ENAH: variants seen among roughly 807,000 people sequenced by gnomAD.
ENAH encodes ENAH actin regulator.
ENAH carries 23 observed loss-of-function variants against 78.7 expected under a neutral mutation model. The observed-to-expected ratio is 0.29, with a 90% CI of 0.21 to 0.41. The LOEUF is 0.41. Among genes scored for constraint, ENAH ranks in the 10% least tolerant of loss-of-function variants. The pLI, the probability that ENAH is intolerant of heterozygous loss-of-function variation, is 1.00. For missense variants in ENAH, 544 were observed against 691.0 expected (o/e 0.79, Z 2.39); for synonymous variants, 226 against 241.0 (o/e 0.94, Z 0.58).
chr1:225,584,822 T>G (rs916766368), intron 1 of ENAH, among the ~76,000 whole-genome samples: 3 of 152,154 alleles, frequency 2.0e-5, no homozygotes, highest in Admixed American at 6.6e-5. Context: ...TCAGATAAAG[T>G]AGACTTTTAA....
At chr1:225,586,689 T>C (rs577361664) in intron 1 of ENAH, among the ~76,000 whole-genome samples, 4 of 152,202 alleles carry the variant, frequency 2.6e-5, no homozygotes, top group African/African-American at 4.8e-5. Flanking sequence ...ATCAAGGTAA[T>C]TCACCGTAAC....
At chr1:225,562,465 G>A (rs1309659736) in intron 2 of ENAH, among the ~76,000 whole-genome samples, 8 of 150,434 alleles carry the variant, frequency 5.3e-5, no homozygotes, top group South Asian at 2.1e-4. Context: ...CCAGCTGCTC[G>A]GGAGGCTGAG....
At chr1:225,636,037 C>T (rs1660002703) in intron 1 of ENAH, among the ~76,000 whole-genome samples, 1 of 152,164 alleles carries the variant, frequency 6.6e-6, no homozygotes, top group South Asian at 2.1e-4. Context: ...TCAGACTTAC[C>T]AGCTCCCATA....
chr1:225,594,392 G>A lies in ENAH; in HGVS notation c.6-26978C>T, dbSNP rs569206890. 2.6e-5 allele frequency among the ~76,000 whole-genome samples: 4 copies of A among 152,208 alleles called. No homozygotes were observed. The East Asian group carries it at 5.8e-4, about 22-fold the overall frequency. On this transcript the variant is annotated intron_variant, in intron 1 of 13. Coordinates refer to ENST00000366843, the MANE Select transcript of ENAH (RefSeq NM_018212.6). ...CATGCTATTCCTGATTGTCAAATAA[G>A]AAAATCCTTCCTTTCCTCCATCACC...
chr1:225,649,617 C>G (rs889522200), intron 1 of ENAH, among the ~76,000 whole-genome samples: 12 of 152,160 alleles, frequency 7.9e-5, no homozygotes, highest in African/African-American at 2.7e-4. Flanking sequence ...CTCAACCTTT[C>G]CACTGTCCTG....
chr1:225,620,181 T>C (rs192871008), intron 1 of ENAH, among the ~76,000 whole-genome samples: 1 of 152,026 alleles, frequency 6.6e-6, no homozygotes. Context: ...TGTGATCTAG[T>C]ATCTCTGAAT....
intron 3 of ENAH, among the ~76,000 whole-genome samples, chr1:225,549,922 C>T (rs1036991607): frequency 6.6e-6 from 1 of 152,148 alleles, no homozygotes; most frequent in African/African-American, 2.4e-5. Flanking sequence ...TGCTTGTAAA[C>T]TTGCATGCTC....
intron 1 of ENAH, among the ~76,000 whole-genome samples, chr1:225,638,662 T>A (rs1166821563): frequency 6.6e-6 from 1 of 152,204 alleles, no homozygotes; most frequent in African/African-American, 2.4e-5. Context: ...AGCTTGGTCT[T>A]AATTCCAAGA....
At chr1:225,567,073 C>T (rs1292574900) in intron 2 of ENAH, among the ~76,000 whole-genome samples, 176 bp downstream of exon 2, 2 of 152,158 alleles carry the variant, frequency 1.3e-5, no homozygotes, top group African/African-American at 2.4e-5. Flanking sequence ...TCTAAATCTT[C>T]GTTTAAGTTC....
At chr1:225,595,114 C>T (rs1207667807) in intron 1 of ENAH, among the ~76,000 whole-genome samples, 1 of 152,290 alleles carries the variant, frequency 6.6e-6, no homozygotes, top group East Asian at 1.9e-4. Flanking sequence ...GCAGGTGGAT[C>T]ACAAGGTCAG....
At chr1:225,615,277 G>A (rs552945066) in intron 1 of ENAH, among the ~76,000 whole-genome samples, 17 of 152,222 alleles carry the variant, frequency 1.1e-4, no homozygotes, top group Admixed American at 2.0e-4. Flanking sequence ...GCTCCTGACC[G>A]CGAGTGATCT....
intron 3 of ENAH, among the ~76,000 whole-genome samples, chr1:225,550,121 A>G (rs1032534988): frequency 1.3e-5 from 2 of 152,146 alleles, no homozygotes; most frequent in Non-Finnish European, 2.9e-5. Context: ...ACATCATGGC[A>G]TATTTGTTAT....
chr1:225,623,586 G>C (rs1657393402), intron 1 of ENAH, among the ~76,000 whole-genome samples: 1 of 97,534 alleles, frequency 1.0e-5, no homozygotes, highest in Non-Finnish European at 1.9e-5. Context: ...TTTTTTGTTG[G>C]GTTTTTTTTT....
At position 225,642,224 on chromosome 1, in the gene ENAH, A is replaced by G. The variant is rs1404107836; in HGVS notation, c.5+10462T>C. 1.4e-4 allele frequency among the ~76,000 whole-genome samples: 21 copies of G among 151,656 alleles called. 1 individual carries two copies. The highest frequency in any genetic ancestry group is 9.8e-4 in the Admixed American group (15 of 15,236). ...TCCATCTCAGGAAAAAAAAAAAAAA[A>G]AAGAAGATACATATAGTAAAGTTTA... is the stretch of plus-strand genomic sequence containing the variant. On this transcript the variant is annotated intron_variant, in intron 1 of 13. Transcript: ENST00000366843.
chr1:225,606,035 C>T (rs2096953886), intron 1 of ENAH, among the ~76,000 whole-genome samples: 1 of 152,136 alleles, frequency 6.6e-6, no homozygotes, highest in Non-Finnish European at 1.5e-5. Flanking sequence ...CTCACATTCC[C>T]CTTTTATTAT....
At chr1:225,513,526 T>A (rs948878170) in intron 7 of ENAH, among the ~76,000 whole-genome samples, 1 of 152,232 alleles carries the variant, frequency 6.6e-6, no homozygotes, top group Non-Finnish European at 1.5e-5. Flanking sequence ...TAGATGAAAT[T>A]TGAATAATAC....
Position 225,628,361 on chromosome 1 carries a change from T to C in ENAH, c.5+24325A>G, listed in dbSNP as rs368767074. 8.5e-5 allele frequency among the ~76,000 whole-genome samples: 13 copies of C among 152,328 alleles called. No individual in the cohort carries two copies. In the South Asian group the frequency reaches 2.3e-3, roughly 27 times the overall value. ...CTGGAAATCCATCTTAAGGAATTAG[T>C]CTGCAATTAGGAGGGGAAAAAAACC... On this transcript the variant is annotated intron_variant, in intron 1 of 13. Coordinates refer to ENST00000366843, the MANE Select transcript of ENAH (RefSeq NM_018212.6).
intron 1 of ENAH, among the ~76,000 whole-genome samples, chr1:225,591,302 T>C (rs2096874401): frequency 6.7e-6 from 1 of 150,024 alleles, no homozygotes. Flanking sequence ...AACCCTGTCT[T>C]TACTAAAAAT....
At chr1:225,567,221 T>G in intron 2 of ENAH, 28 bp downstream of exon 2, 2 of 1,601,768 alleles carry the variant, frequency 1.2e-6, no homozygotes, top group Non-Finnish European at 1.7e-6. Context: ...CTAAATCATT[T>G]TTAACAACAA....
Sources: allele counts gnomAD v4.1 joint callset (sites outside exome capture counted in the v4.1 genomes callset), GRCh38; gene constraint gnomAD v4.1.1; transcripts MANE v1.5; gene names NCBI Gene and HGNC (gene_info 2026-07-23, HGNC 2026-07-21).